TMEM131: variants seen among roughly 807,000 people sequenced by gnomAD.
The protein encoded by TMEM131 is 2610524E03Rik.
Under a neutral mutation model 211.6 loss-of-function variants are expected in TMEM131, and 66 were observed. That is an observed-to-expected ratio of 0.31 (90% confidence interval 0.26 to 0.38). The LOEUF is 0.38. TMEM131 is among the 10% of genes least tolerant of loss of function. The pLI is 1.00. For missense variants in TMEM131, 2,036 were observed against 2,299.3 expected (o/e 0.89, Z 2.34); for synonymous variants, 844 against 841.3 (o/e 1.00, Z -0.06).
rs530402692 is a variant in TMEM131 at position 97,881,090 on chromosome 2, C to A, written c.359+6962G>T. 1.3e-3 allele frequency among the ~76,000 whole-genome samples: 203 copies of A among 152,308 alleles called. 2 individuals carry two copies. In the Middle Eastern group the frequency reaches 0.051, roughly 38 times the overall value. On this transcript the variant is annotated intron_variant, in intron 4 of 40. Coordinates refer to ENST00000186436, the MANE Select transcript of TMEM131 (RefSeq NM_015348.2). ...AAAGACGCAGGTTCTTTCCATCTTTCCACTCTGTTAGACCAGTTGCCTTTC... is the reference window on the plus strand; with the variant it reads ...AAAGACGCAGGTTCTTTCCATCTTTACACTCTGTTAGACCAGTTGCCTTTC...
At chr2:97,804,972 A>G (rs1559370248) in intron 22 of TMEM131, 116 bp downstream of exon 22, 6 of 700,342 alleles carry the variant, frequency 8.6e-6, no homozygotes, top group Non-Finnish European at 1.3e-5. Context: ...AAAATTAGGC[A>G]TTCTTTCTTA....
chr2:97,951,398 A>G (rs1678308056), intron 1 of TMEM131, among the ~76,000 whole-genome samples: 1 of 152,142 alleles, frequency 6.6e-6, no homozygotes, highest in Admixed American at 6.5e-5. Flanking sequence ...TGATTAGGCC[A>G]GTGGGTAGGG....
intron 40 of TMEM131, 24 bp from the exon 41 acceptor site, chr2:97,757,407 A>G (rs1376727403): frequency 6.4e-7 from 1 of 1,555,866 alleles, no homozygotes; most frequent in Non-Finnish European, 8.7e-7. Context: ...GAAAGCGTCC[A>G]GCACTGAGCC....
intron 4 of TMEM131, among the ~76,000 whole-genome samples, chr2:97,866,599 G>C (rs1395398475): frequency 6.6e-6 from 1 of 152,042 alleles, no homozygotes; most frequent in Non-Finnish European, 1.5e-5. Flanking sequence ...TTAGGGAGAA[G>C]GTTAAGTTTC....
chr2:97,841,385 T>C (rs995236129), intron 7 of TMEM131, among the ~76,000 whole-genome samples: 3 of 152,218 alleles, frequency 2.0e-5, no homozygotes, highest in African/African-American at 7.2e-5. Context: ...ATATTACCCT[T>C]TCCCTGAATT....
intron 4 of TMEM131, among the ~76,000 whole-genome samples, chr2:97,886,898 A>C (rs115738539): frequency 6.6e-6 from 1 of 150,944 alleles, no homozygotes; most frequent in East Asian, 2.0e-4. Flanking sequence ...AGATGAAAAA[A>C]CTCTTTTTGG....
chr2:97,922,179 G>A (rs996769305), intron 2 of TMEM131, among the ~76,000 whole-genome samples: 1 of 152,106 alleles, frequency 6.6e-6, no homozygotes, highest in African/African-American at 2.4e-5. Flanking sequence ...TCTCTCATGT[G>A]CAGTTCACAA....
intron 11 of TMEM131, among the ~76,000 whole-genome samples, chr2:97,830,534 A>T (rs1682627992): frequency 6.6e-6 from 1 of 152,202 alleles, no homozygotes; most frequent in South Asian, 2.1e-4. Flanking sequence ...TAAGGAAAAA[A>T]GCACTTTCAG....
intron 1 of TMEM131, among the ~76,000 whole-genome samples, chr2:97,937,822 C>T (rs1262045549): frequency 6.6e-6 from 1 of 152,188 alleles, no homozygotes; most frequent in South Asian, 2.1e-4. Flanking sequence ...ATCAGACTAA[C>T]AGCGGATCTC....
chr2:97,793,949 G>A (rs1434370016), intron 29 of TMEM131, among the ~76,000 whole-genome samples: 7 of 125,732 alleles, frequency 5.6e-5, no homozygotes, highest in Admixed American at 9.2e-5. Flanking sequence ...AGCCGAGATC[G>A]TGCCACTGCA....
At chr2:97,796,816 T>C (rs769644797) in intron 27 of TMEM131, 28 bp downstream of exon 27, 8 of 1,594,530 alleles carry the variant, frequency 5.0e-6, no homozygotes, top group South Asian at 4.5e-5. Context: ...CTGAAATTAG[T>C]GTCCTTGAAA....
At chr2:97,784,570 A>G (rs1403614583) in intron 31 of TMEM131, among the ~76,000 whole-genome samples, 4 of 152,136 alleles carry the variant, frequency 2.6e-5, no homozygotes, top group Non-Finnish European at 5.9e-5. Flanking sequence ...AAAGTTCCAT[A>G]TATCAAAATT....
intron 1 of TMEM131, among the ~76,000 whole-genome samples, chr2:97,986,817 C>T (rs890094991): frequency 2.0e-5 from 3 of 152,186 alleles, no homozygotes; most frequent in East Asian, 1.9e-4. Context: ...TCCAATTTCG[C>T]CCAAAGGTTT....
In TMEM131 at chr2:97,837,130, C is replaced by T. The variant is rs1682977067; in HGVS notation, c.751G>A (p.Asp251Asn). 2.5e-6 allele frequency: 4 copies of T among 1,608,880 alleles called. No homozygotes were observed. The highest frequency in any genetic ancestry group is 3.4e-6 in the Non-Finnish European group (4 of 1,178,086). ...QVVEMYSSGG[D>N]LHLELPTGQQ... Reference sequence around the variant, plus strand: ...CCCGTTGGGAGTTCTAGGTGAAGGTCTCCTCCACTAGAGTACATTTCTACA... The same window carrying T: ...CCCGTTGGGAGTTCTAGGTGAAGGTTTCCTCCACTAGAGTACATTTCTACA... The change falls in exon 8 of 41, where the codon GAC becomes AAC. Residue 251 changes from aspartate to asparagine, a missense_variant. Physicochemically the swap from Asp to Asn is conservative, Grantham distance 23. Around this residue, in one of 3 missense-constraint regions of TMEM131, gnomAD observed 277 missense variants for 378.0 expected, o/e 0.73. Transcript: ENST00000186436.
chr2:97,962,488 A>G (rs1678864828), intron 1 of TMEM131, among the ~76,000 whole-genome samples: 1 of 152,200 alleles, frequency 6.6e-6, no homozygotes, highest in Non-Finnish European at 1.5e-5. Context: ...TGGGCAACAG[A>G]GTGAGACTCC....
intron 11 of TMEM131, among the ~76,000 whole-genome samples, chr2:97,822,582 G>GTCC (rs1182197833): frequency 2.0e-5 from 3 of 152,104 alleles, no homozygotes; most frequent in African/African-American, 7.2e-5. Context: ...ATTTTTCTTG[G>GTCC]TCCTCTTTGT....
chr2:97,891,883 A>C (rs1471870721), intron 3 of TMEM131, among the ~76,000 whole-genome samples: 1 of 146,992 alleles, frequency 6.8e-6, no homozygotes, highest in Admixed American at 6.6e-5. Context: ...TGCATTTTTA[A>C]GCACCCTCAC....
At chr2:97,903,777 G>T (rs145965544) in intron 3 of TMEM131, among the ~76,000 whole-genome samples, 1 of 151,976 alleles carries the variant, frequency 6.6e-6, no homozygotes, top group Non-Finnish European at 1.5e-5. Flanking sequence ...TCCGCCTCCC[G>T]GGTTCAAGCA....
intron 35 of TMEM131, chr2:97,763,386 G>A (rs557244611): frequency 6.5e-6 from 1 of 152,886 alleles, no homozygotes; most frequent in South Asian, 2.1e-4. Flanking sequence ...CTTCCCCAGT[G>A]CTGCTGGTAC....
Sources: gnomAD v4.1 joint callset for allele counts (sites outside exome capture counted in the v4.1 genomes callset) on GRCh38, gnomAD v4.1.1 for gene constraint, gnomAD v4.1.1 regional missense constraint, MANE v1.5 for transcripts, NCBI Gene and HGNC (gene_info 2026-07-23, HGNC 2026-07-21) for gene names.